Variants in NCAM2 observed in about 807,000 individuals in gnomAD.
NCAM2 encodes the protein N-CAM-2.
In NCAM2, 30 loss-of-function variants were observed where a neutral mutation model predicts 98.1. The observed-to-expected ratio is 0.31, with a 90% CI of 0.23 to 0.41. The LOEUF (loss-of-function observed/expected upper bound fraction) is 0.41, where lower values mean the gene tolerates loss of function less well. Among genes scored for constraint, NCAM2 ranks in the 10% least tolerant of loss-of-function variants. The pLI, the probability that NCAM2 is intolerant of heterozygous loss-of-function variation, is 1.00. For synonymous variants in NCAM2, 368 were observed against 342.4 expected (o/e 1.07, Z -0.83); for missense variants, 867 against 1,005.8 (o/e 0.86, Z 1.87).
At position 21,259,919 on chromosome 21, in the gene NCAM2, A is replaced by AAC. The variant is rs10618210; in HGVS notation, c.56-20613_56-20612dup. 1.3e-3 allele frequency among the ~76,000 whole-genome samples: 188 copies of AAC among 142,076 alleles called. 2 individuals are homozygous for AAC. The highest frequency in any genetic ancestry group is 4.5e-3 in the African/African-American group (170 of 37,590). The allele number at this position is 142,076 out of a possible 152,430, so 93.2% of individuals were successfully genotyped here. ...TTACATCCAAATAAAAATAAGAAGC[A>AAC]ACACACACACACACACACACACACA... On this transcript the variant is annotated intron_variant, in intron 1 of 17. Transcript: ENST00000400546.
At chr21:21,144,916 GTCA>G (rs559109722) in intron 1 of NCAM2, among the ~76,000 whole-genome samples, 16 of 152,248 alleles carry the variant, frequency 1.1e-4, no homozygotes, top group African/African-American at 3.6e-4. Flanking sequence ...TCTTTGAAAT[GTCA>G]GGGGTCGCCG....
chr21:21,289,546 G>A (rs538596540), intron 4 of NCAM2, among the ~76,000 whole-genome samples: 1 of 152,054 alleles, frequency 6.6e-6, no homozygotes, highest in South Asian at 2.1e-4. Context: ...GGAAGACCAT[G>A]TGCAATGGCC....
chr21:21,455,073 G>C (rs753710545), intron 12 of NCAM2, among the ~76,000 whole-genome samples: 1 of 151,600 alleles, frequency 6.6e-6, no homozygotes, highest in Admixed American at 6.6e-5. Context: ...AAATACAAAT[G>C]AATTTCATAA....
intron 5 of NCAM2, among the ~76,000 whole-genome samples, chr21:21,307,914 T>C (rs958546686): frequency 6.6e-6 from 1 of 152,132 alleles, no homozygotes; most frequent in Non-Finnish European, 1.5e-5. Context: ...TTCATGATAA[T>C]TTCCTCACTT....
In NCAM2 at chr21:21,477,398, T is replaced by C. The variant is rs904069783; in HGVS notation, c.2004T>C (p.Ala668=). 2.5e-6 allele frequency: 4 copies of C among 1,612,072 alleles called. No individual in the cohort carries two copies. Among genetic ancestry groups the C allele is most frequent in the Non-Finnish European group, 3.4e-6 (4 of 1,178,636 alleles). The change falls in exon 15 of 18, where the codon GCT becomes GCC. Residue 668 remains alanine, a synonymous_variant. Transcript: ENST00000400546. ...WTMGYEVQIT[A]ANRLGYSEPT... is the part of the protein sequence containing the mutation. ...TGGGGTATGAAGTTCAGATTACAGCTGCCAATAGATTGGGATATTCTGAAC... is the reference window on the plus strand; with the variant it reads ...TGGGGTATGAAGTTCAGATTACAGCCGCCAATAGATTGGGATATTCTGAAC...
intron 2 of NCAM2, among the ~76,000 whole-genome samples, 198 bp from the exon 3 acceptor site, chr21:21,283,996 T>C (rs9980326): frequency 0.82 from 124,037 of 151,828 alleles, 50,884 homozygotes; most frequent in East Asian, 0.99. Context: ...AGCGTGAATC[T>C]TCCATGTTGG....
intron 1 of NCAM2, among the ~76,000 whole-genome samples, chr21:21,125,384 T>C (rs1477649196): frequency 1.4e-5 from 2 of 146,622 alleles, no homozygotes; most frequent in Admixed American, 7.0e-5. Flanking sequence ...ATATATAATA[T>C]TTTACATATA....
chr21:21,390,464 G>T (rs2076357418), intron 9 of NCAM2, among the ~76,000 whole-genome samples: 1 of 152,110 alleles, frequency 6.6e-6, no homozygotes, highest in African/African-American at 2.4e-5. Context: ...AGAATAGACT[G>T]AAAGGGGTAC....
At chr21:21,488,556 T>C (rs557065262) in intron 15 of NCAM2, among the ~76,000 whole-genome samples, 53 of 152,060 alleles carry the variant, frequency 3.5e-4, no homozygotes, top group African/African-American at 1.3e-3. Context: ...TACAAATTAT[T>C]TTAATAATTC....
At chr21:21,084,789 G>A (rs1390177627) in intron 1 of NCAM2, among the ~76,000 whole-genome samples, 2 of 152,080 alleles carry the variant, frequency 1.3e-5, no homozygotes, top group African/African-American at 4.8e-5. Context: ...AATGTAATTA[G>A]CATTCAATAA....
At chr21:21,063,331 G>T (rs1254452525) in intron 1 of NCAM2, among the ~76,000 whole-genome samples, 1 of 136,876 alleles carries the variant, frequency 7.3e-6, no homozygotes, top group African/African-American at 2.8e-5. Context: ...TGATTCTCTT[G>T]CCTCTCAGCC....
chr21:21,046,975 T>TA (rs2065017200), intron 1 of NCAM2, among the ~76,000 whole-genome samples: 1 of 152,208 alleles, frequency 6.6e-6, no homozygotes. Context: ...CCCTAATTGG[T>TA]ACATCTCCTT....
chr21:21,502,420 T>C (rs372035762), intron 15 of NCAM2, among the ~76,000 whole-genome samples: 7 of 152,104 alleles, frequency 4.6e-5, no homozygotes, highest in African/African-American at 1.7e-4. Context: ...AAAAGTATTG[T>C]TGAATTCATG....
intron 12 of NCAM2, among the ~76,000 whole-genome samples, chr21:21,450,307 T>C (rs1041315533): frequency 3.3e-5 from 5 of 149,272 alleles, no homozygotes; most frequent in African/African-American, 1.3e-4. Flanking sequence ...TGTGTTTGTG[T>C]GTGTGTGTGT....
chr21:21,247,404 C>A (rs540691490), intron 1 of NCAM2, among the ~76,000 whole-genome samples: 2 of 152,080 alleles, frequency 1.3e-5, no homozygotes, highest in Non-Finnish European at 2.9e-5. Context: ...TAAAGAGAAA[C>A]GAAATACAAA....
At chr21:21,417,673 G>A (rs544512555) in intron 10 of NCAM2, among the ~76,000 whole-genome samples, 7 of 152,112 alleles carry the variant, frequency 4.6e-5, no homozygotes, top group African/African-American at 1.7e-4. Flanking sequence ...TTGTCTCAGT[G>A]TTCACCAATA....
At chr21:21,144,328 G>C (rs1040364503) in intron 1 of NCAM2, among the ~76,000 whole-genome samples, 5 of 146,510 alleles carry the variant, frequency 3.4e-5, no homozygotes, top group African/African-American at 5.1e-5. Context: ...CAGGGAGACA[G>C]AGCAAGACTC....
chr21:21,142,008 T>C (rs956867652), intron 1 of NCAM2, among the ~76,000 whole-genome samples: 2 of 152,198 alleles, frequency 1.3e-5, no homozygotes, highest in South Asian at 2.1e-4. Context: ...AGAAAGTTCA[T>C]CTGAGTGTTT....
In NCAM2 at chr21:21,484,179, A is replaced by G. The variant is rs535371500; in HGVS notation, c.2077+6708A>G. 3.9e-5 allele frequency among the ~76,000 whole-genome samples: 6 copies of G among 152,306 alleles called. No individual in the cohort carries two copies. The South Asian group carries it at 1.2e-3, about 32-fold the overall frequency. On this transcript the variant is annotated intron_variant, in intron 15 of 17. Transcript: ENST00000400546. ...AGAATTAATTTCTGAGTAATGCAGA[A>G]TAAACATCAATATTGACCTTTGTAT...
Sources: allele counts gnomAD v4.1 joint callset (sites outside exome capture counted in the v4.1 genomes callset), GRCh38; gene constraint gnomAD v4.1.1; transcripts MANE v1.5; gene names NCBI Gene and HGNC (gene_info 2026-07-23, HGNC 2026-07-21).